Variants in YIPF5 observed in about 807,000 individuals in gnomAD.
YIPF5 encodes protein YIPF5.
In YIPF5, 8 loss-of-function variants were observed where a neutral mutation model predicts 30.4. The observed-to-expected ratio is 0.26, with a 90% CI of 0.15 to 0.47. YIPF5 has a LOEUF of 0.47. YIPF5 is among the 20% of genes least tolerant of loss of function. The probability of loss-of-function intolerance (pLI) is 0.99; values close to 1 mark genes in which losing one functional copy is unlikely to be tolerated. For synonymous variants in YIPF5, 104 were observed against 107.9 expected (o/e 0.96, Z 0.23); for missense variants, 282 against 301.8 (o/e 0.93, Z 0.49).
intron 5 of YIPF5, 110 bp from the exon 6 acceptor site, chr5:144,160,669 T>TG: frequency 1.0e-6 from 1 of 952,404 alleles, no homozygotes; most frequent in Non-Finnish European, 1.4e-6. Flanking sequence ...ACATTTTAAA[T>TG]CTGCAAGTAG....
At chr5:144,162,424 T>A in intron 4 of YIPF5, 25 bp from the exon 5 acceptor site, 1 of 1,582,952 alleles carries the variant, frequency 6.3e-7, no homozygotes. Flanking sequence ...GATTACAGGT[T>A]AAAGGGCAAA....
In YIPF5 at chr5:144,162,309, C is replaced by T. The variant is rs1052860970; in HGVS notation, c.520G>A (p.Gly174Ser). 1.9e-6 allele frequency: 3 copies of T among 1,614,122 alleles called. No individual in the cohort carries two copies. The highest frequency in any genetic ancestry group is 2.5e-6 in the Non-Finnish European group (3 of 1,179,994). Residue 174 changes from glycine to serine, a missense_variant, in exon 5 of 6, where the codon GGT becomes AGT. By Grantham distance (56) the Gly-to-Ser change is moderately conservative (BLOSUM62 0). Transcript: ENST00000274496. ...FCLLNLMSMT[G>S]VSFGCVASVL... ...CTTGCCACACAACCAAATGAAACAC[C>T]TGTCATACTCATTAAGTTTAATAAA...
intron 2 of YIPF5, among the ~76,000 whole-genome samples, chr5:144,168,859 T>G (rs1752273014): frequency 6.6e-6 from 1 of 152,228 alleles, no homozygotes; most frequent in African/African-American, 2.4e-5. Flanking sequence ...TATTGCATGT[T>G]TCTCACAAAC....
At chr5:144,162,117 A>G (rs1217787675) in intron 5 of YIPF5, 101 bp downstream of exon 5, 3 of 1,285,906 alleles carry the variant, frequency 2.3e-6, no homozygotes, top group African/African-American at 1.5e-5. Flanking sequence ...GCACTATCTG[A>G]TATGTTTGCT....
intron 4 of YIPF5, 142 bp from the exon 5 acceptor site, chr5:144,162,541 A>G: frequency 2.8e-6 from 2 of 714,470 alleles, no homozygotes; most frequent in South Asian, 4.2e-5. Flanking sequence ...GAGAAGTAAA[A>G]GACTGAGCAG....
intron 5 of YIPF5, among the ~76,000 whole-genome samples, chr5:144,161,333 CTTTTTTTTTTTTTTTTTT>C (rs57703406): frequency 3.1e-5 from 2 of 64,646 alleles, no homozygotes; most frequent in East Asian, 5.3e-4. Flanking sequence ...CCTTTCCTTC[CTTTTTTTTTTTTTTTTTT>C]TTTTTTTTTT....
chr5:144,161,333 CTTTTTTTTTTTTTTT>C lies in YIPF5; in HGVS notation c.612-789_612-775del, dbSNP rs57703406. 9.1e-3 allele frequency among the ~76,000 whole-genome samples: 589 copies of C among 64,728 alleles called. 3 individuals carry two copies. Among genetic ancestry groups the C allele is most frequent in the Non-Finnish European group, 0.014 (515 of 37,144 alleles). The allele number at this position is 64,728 out of a possible 152,430, so 42.5% of individuals were successfully genotyped here. On this transcript the variant is annotated intron_variant, in intron 5 of 5. Coordinates refer to ENST00000274496, the MANE Select transcript of YIPF5 (RefSeq NM_030799.9). ...TGGCGGTAATGTATACCTTTCCTTC[CTTTTTTTTTTTTTTT>C]TTTTTTTTTTTTTGAGACAGTTTCG...
intron 4 of YIPF5, 149 bp downstream of exon 4, chr5:144,163,962 T>C (rs907586083): frequency 1.3e-5 from 9 of 692,086 alleles, no homozygotes; most frequent in Admixed American, 1.1e-4. Context: ...AACTAATGAA[T>C]AGGTATAAAT....
intron 2 of YIPF5, among the ~76,000 whole-genome samples, chr5:144,169,314 G>A (rs1331509528): frequency 6.6e-6 from 1 of 152,124 alleles, no homozygotes; most frequent in Non-Finnish European, 1.5e-5. Flanking sequence ...TAACACGTGT[G>A]GCACTGACCA....
chr5:144,165,285 C>T, intron 3 of YIPF5, 147 bp downstream of exon 3: 1 of 1,050,678 alleles, frequency 9.5e-7, no homozygotes, highest in Non-Finnish European at 1.3e-6. Flanking sequence ...TTCGCATATA[C>T]TCTGTTTAAA....
intron 5 of YIPF5, among the ~76,000 whole-genome samples, chr5:144,161,041 G>A (rs924787959): frequency 2.6e-5 from 4 of 152,048 alleles, no homozygotes; most frequent in African/African-American, 9.7e-5. Context: ...ATTCAAATAT[G>A]AATATATAAA....
At position 144,158,283 on chromosome 5, in the gene YIPF5, T is replaced by C; in HGVS notation, c.*2114A>G. 1 of 517,024 alleles carries C rather than the reference T, an allele frequency of 1.9e-6. No homozygotes were observed. Among genetic ancestry groups the C allele is most frequent in the Non-Finnish European group, 3.1e-6 (1 of 324,816 alleles). 32.0% of individuals were successfully genotyped at this position (517,024 alleles called of 1,614,324 possible). A position where few individuals can be genotyped will look rare whatever the true frequency, so the allele number is the denominator to read the frequency against. On this transcript the variant is annotated 3_prime_UTR_variant, in exon 6 of 6. Transcript: ENST00000274496. ...TGTAATCAAACTCTAGAACATCAAA[T>C]GCAACTCCACTGCATAGCTGTTTTG... is the stretch of plus-strand genomic sequence containing the variant.
intron 2 of YIPF5, among the ~76,000 whole-genome samples, chr5:144,167,052 G>C (rs1464803233): frequency 6.6e-6 from 1 of 152,052 alleles, no homozygotes; most frequent in African/African-American, 2.4e-5. Flanking sequence ...AAATAACTTT[G>C]ACTTTAAAGA....
intron 3 of YIPF5, 99 bp downstream of exon 3, chr5:144,165,332 AT>A (rs1010013804): frequency 3.6e-5 from 53 of 1,466,234 alleles, no homozygotes; most frequent in Admixed American, 6.6e-5. Context: ...TCTACAGATT[AT>A]TTTTTTTAAA....
At chr5:144,163,896 C>A in intron 4 of YIPF5, 1 of 410,156 alleles carries the variant, frequency 2.4e-6, no homozygotes, top group Non-Finnish European at 4.0e-6. Flanking sequence ...ATAATTTAAT[C>A]ATTTCTTAGA....
chr5:144,160,615 A>T, intron 5 of YIPF5, 56 bp from the exon 6 acceptor site: 1 of 1,436,410 alleles, frequency 7.0e-7, no homozygotes, highest in Non-Finnish European at 9.5e-7. Flanking sequence ...GAGATTAGTT[A>T]TGTAAGAATA....
At position 144,165,429 on chromosome 5, in the gene YIPF5, T is replaced by A. The variant is rs1244176127; in HGVS notation, c.283+3A>T. The A allele has an allele frequency of 1.2e-6, 2 of 1,613,890 alleles. No individual in the cohort carries two copies. The highest frequency in any genetic ancestry group is 2.7e-5 in the African/African-American group (2 of 74,918). On this transcript the variant is annotated splice_donor_region_variant and intron_variant, in intron 3 of 5. Coordinates refer to ENST00000274496, the MANE Select transcript of YIPF5 (RefSeq NM_030799.9). The stretch of plus-strand genomic sequence containing the variant: ...TACTATCAAGTGTTGCAACAAATCT[T>A]ACCTTCTAATAAAGGTGGCTCATCC...
chr5:144,161,766 A>G (rs892801093), intron 5 of YIPF5, among the ~76,000 whole-genome samples: 2 of 152,282 alleles, frequency 1.3e-5, no homozygotes, highest in Admixed American at 6.5e-5. Context: ...TATCATAAAA[A>G]GAATACATTT....
chr5:144,168,332 C>T (rs989524652), intron 2 of YIPF5, among the ~76,000 whole-genome samples: 6 of 152,034 alleles, frequency 3.9e-5, no homozygotes, highest in Non-Finnish European at 7.4e-5. Flanking sequence ...AGATAAATCT[C>T]GTAGGCTGCA....
Sources: gnomAD v4.1 joint callset for allele counts (sites outside exome capture counted in the v4.1 genomes callset) on GRCh38, gnomAD v4.1.1 for gene constraint, MANE v1.5 for transcripts, NCBI Gene and HGNC (gene_info 2026-07-23, HGNC 2026-07-21) for gene names.